SPOCK1: variants seen among roughly 807,000 people sequenced by gnomAD.
The protein encoded by SPOCK1 is testican-1.
A neutral mutation model predicts 55.3 loss-of-function variants in SPOCK1; 23 were observed. The ratio of observed to expected loss-of-function variants is 0.42; its 90% confidence interval spans 0.30 to 0.59. The LOEUF is 0.59. SPOCK1 is among the 20% of genes least tolerant of loss of function. SPOCK1 has a pLI of 0.22. For synonymous variants in SPOCK1, 226 were observed against 221.0 expected (o/e 1.02, Z -0.20); for missense variants, 499 against 552.5 (o/e 0.90, Z 0.97).
chr5:137,246,877 G>C (rs150875242), intron 3 of SPOCK1, among the ~76,000 whole-genome samples: 1 of 152,314 alleles, frequency 6.6e-6, no homozygotes, highest in East Asian at 1.9e-4. Flanking sequence ...TGGAGCTTCT[G>C]CTACACTGGT....
chr5:137,303,329 C>T (rs1403722278), intron 2 of SPOCK1, among the ~76,000 whole-genome samples: 5 of 151,926 alleles, frequency 3.3e-5, no homozygotes, highest in Non-Finnish European at 5.9e-5. Context: ...ACTGTTCAAG[C>T]ACCTGCTACT....
At chr5:137,284,495 G>A (rs2127127094) in intron 2 of SPOCK1, among the ~76,000 whole-genome samples, 1 of 152,306 alleles carries the variant, frequency 6.6e-6, no homozygotes. Context: ...GAAGGAGAGG[G>A]GAGAAGAACT....
intron 5 of SPOCK1, among the ~76,000 whole-genome samples, chr5:137,072,323 A>G (rs1752635370): frequency 6.6e-6 from 1 of 152,260 alleles, no homozygotes; most frequent in South Asian, 2.1e-4. Context: ...ACTTTTAAAC[A>G]TTATACTAGA....
chr5:137,160,564 T>TAA lies in SPOCK1; in HGVS notation c.233-19871_233-19870insTT, dbSNP rs1491209752. On this transcript the variant is annotated intron_variant, in intron 3 of 10. Transcript: ENST00000394945. ...TAATATATATAATATATATTATATA[T>TAA]TATATATTATATAATATATATAATA... 2.5e-4 allele frequency among the ~76,000 whole-genome samples: 17 copies of TAA among 67,324 alleles called. 1 individual carries two copies. The highest frequency in any genetic ancestry group is 7.5e-4 in the Admixed American group (3 of 3,980). 44.2% of individuals were successfully genotyped at this position (67,324 alleles called of 152,430 possible). A position where few individuals can be genotyped will look rare whatever the true frequency, so the allele number is the denominator to read the frequency against.
intron 3 of SPOCK1, among the ~76,000 whole-genome samples, chr5:137,206,476 C>T (rs1755523019): frequency 6.6e-6 from 1 of 152,172 alleles, no homozygotes; most frequent in Admixed American, 6.5e-5. Context: ...TAGAAGCGTA[C>T]ATGACTGAAT....
intron 9 of SPOCK1, among the ~76,000 whole-genome samples, chr5:136,981,295 A>G (rs2126957734): frequency 6.6e-6 from 1 of 152,248 alleles, no homozygotes; most frequent in East Asian, 1.9e-4. Context: ...ACTTCTTCAT[A>G]TTGTCAAAGG....
At chr5:137,096,265 G>T (rs1054146752) in intron 5 of SPOCK1, among the ~76,000 whole-genome samples, 1 of 151,490 alleles carries the variant, frequency 6.6e-6, no homozygotes, top group African/African-American at 2.4e-5. Context: ...TTTCCAGGTA[G>T]TTGTAATAAA....
chr5:137,159,800 C>CTCTT (rs1754489274), intron 3 of SPOCK1, among the ~76,000 whole-genome samples: 1 of 152,048 alleles, frequency 6.6e-6, no homozygotes, highest in Non-Finnish European at 1.5e-5. Context: ...ACTTTTAATT[C>CTCTT]TAGTTCTCTT....
At chr5:137,324,810 C>T (rs747602561) in intron 2 of SPOCK1, among the ~76,000 whole-genome samples, 11 of 151,506 alleles carry the variant, frequency 7.3e-5, no homozygotes, top group Non-Finnish European at 1.5e-4. Context: ...AAAAGCTATA[C>T]TTCCTGTACA....
intron 2 of SPOCK1, among the ~76,000 whole-genome samples, chr5:137,317,431 G>C (rs1757897580): frequency 6.6e-6 from 1 of 152,194 alleles, no homozygotes; most frequent in Non-Finnish European, 1.5e-5. Context: ...TTGGTGCAAT[G>C]CAGGACACTG....
At chr5:137,480,595 G>A (rs533504451) in intron 2 of SPOCK1, among the ~76,000 whole-genome samples, 13 of 152,294 alleles carry the variant, frequency 8.5e-5, no homozygotes, top group African/African-American at 3.1e-4. Context: ...TTACTGAGAG[G>A]ATGGGCACTG....
intron 3 of SPOCK1, among the ~76,000 whole-genome samples, chr5:137,187,902 T>C (rs1046380049): frequency 6.6e-6 from 1 of 152,244 alleles, no homozygotes; most frequent in African/African-American, 2.4e-5. Flanking sequence ...TGATCCATTA[T>C]GAGATAGCCA....
chr5:137,110,134 G>A (rs561515142), intron 5 of SPOCK1, among the ~76,000 whole-genome samples: 26 of 152,344 alleles, frequency 1.7e-4, no homozygotes, highest in Non-Finnish European at 3.4e-4. Context: ...CATTAGTAAC[G>A]ATAGTGGCAA....
chr5:136,984,261 C>A (rs1164573372), intron 9 of SPOCK1, among the ~76,000 whole-genome samples: 1 of 152,214 alleles, frequency 6.6e-6, no homozygotes. Flanking sequence ...AGACTGCCTA[C>A]ATTTGACAAT....
intron 2 of SPOCK1, among the ~76,000 whole-genome samples, chr5:137,360,548 C>T (rs1750919372): frequency 6.6e-6 from 1 of 152,198 alleles, no homozygotes; most frequent in African/African-American, 2.4e-5. Flanking sequence ...AGGAATAAGT[C>T]CAGCATTTCC....
At chr5:137,487,973 G>C (rs954482522) in intron 2 of SPOCK1, among the ~76,000 whole-genome samples, 6 of 152,190 alleles carry the variant, frequency 3.9e-5, no homozygotes, top group African/African-American at 1.4e-4. Context: ...TGCTCATTTT[G>C]TCTAAAATGT....
chr5:137,362,106 A>G (rs557292991), intron 2 of SPOCK1, among the ~76,000 whole-genome samples: 69 of 152,326 alleles, frequency 4.5e-4, no homozygotes, highest in African/African-American at 1.6e-3. Context: ...AATTCCACCC[A>G]AATCTTCAGA....
chr5:137,316,876 C>T (rs1220470597), intron 2 of SPOCK1, among the ~76,000 whole-genome samples: 1 of 152,198 alleles, frequency 6.6e-6, no homozygotes, highest in Non-Finnish European at 1.5e-5. Context: ...CCGCTCTGTG[C>T]CCACTGGAAA....
chr5:137,357,939 A>G (rs563482969), intron 2 of SPOCK1, among the ~76,000 whole-genome samples: 70 of 152,246 alleles, frequency 4.6e-4, no homozygotes, highest in African/African-American at 1.6e-3. Flanking sequence ...CTTCCTAGGA[A>G]TCAAGAAATC....
Sources: allele counts gnomAD v4.1 joint callset (sites outside exome capture counted in the v4.1 genomes callset), GRCh38; gene constraint gnomAD v4.1.1; transcripts MANE v1.5; gene names NCBI Gene and HGNC (gene_info 2026-07-23, HGNC 2026-07-21).